Variants in CDH4 observed in about 807,000 individuals in gnomAD.
The protein encoded by CDH4 is cadherin-4.
In CDH4, 33 loss-of-function variants were observed where a neutral mutation model predicts 86.0. That is an observed-to-expected ratio of 0.38 (90% CI 0.29 to 0.51). The LOEUF is 0.51. Among genes scored for constraint, CDH4 ranks in the 20% least tolerant of loss-of-function variants. The pLI, the probability that CDH4 is intolerant of heterozygous loss-of-function variation, is 0.86. For synonymous variants in CDH4, 555 were observed against 549.4 expected (o/e 1.01, Z -0.14); for missense variants, 1,114 against 1,307.4 (o/e 0.85, Z 2.28).
intron 2 of CDH4, among the ~76,000 whole-genome samples, chr20:61,739,824 C>T (rs1568788525): frequency 6.6e-6 from 1 of 152,246 alleles, no homozygotes; most frequent in African/African-American, 2.4e-5. Context: ...CAAGCGCCCA[C>T]AGAAAGTTCT....
chr20:61,818,913 G>C (rs1261036933), intron 4 of CDH4, among the ~76,000 whole-genome samples: 2 of 152,080 alleles, frequency 1.3e-5, no homozygotes, highest in Non-Finnish European at 2.9e-5. Flanking sequence ...AGAGAGCAGG[G>C]GGCTCTCTCG....
At chr20:61,612,682 G>A (rs1038197542) in intron 2 of CDH4, among the ~76,000 whole-genome samples, 17 of 152,070 alleles carry the variant, frequency 1.1e-4, no homozygotes, top group African/African-American at 2.2e-4. Flanking sequence ...CCTTCATTCC[G>A]ATGTTACAGC....
intron 2 of CDH4, among the ~76,000 whole-genome samples, chr20:61,575,203 T>C (rs2086373406): frequency 6.6e-6 from 1 of 152,202 alleles, no homozygotes; most frequent in Non-Finnish European, 1.5e-5. Context: ...AGTTTCTCTC[T>C]ATTTCCACTA....
In CDH4 at chr20:61,392,943, G is replaced by C. The variant is rs556225399; in HGVS notation, c.169+138006G>C. On this transcript the variant is annotated intron_variant, in intron 2 of 15. Transcript: ENST00000614565. This position sits in a 1 kb window ranked among gnomAD's most constrained non-coding sequence, Gnocchi z 5.7. ...GGAAGGAGGTGCAGATACTCACCCC[G>C]ATACCCACCAAGGGCAGCCGAGCCT... Among the ~76,000 whole-genome samples the C allele has an allele frequency of 2.3e-4, 35 of 152,028 alleles. No individual in the cohort carries two copies. Among genetic ancestry groups the C allele is most frequent in the African/African-American group, 8.5e-4 (35 of 41,362 alleles).
At chr20:61,644,843 C>G (rs1304160644) in intron 2 of CDH4, among the ~76,000 whole-genome samples, 1 of 152,222 alleles carries the variant, frequency 6.6e-6, no homozygotes, top group Non-Finnish European at 1.5e-5. Context: ...CCCGGCCTGT[C>G]CAGCCTGCAG....
chr20:61,735,558 GCCACAGGGAC>G (rs1290846778), intron 2 of CDH4, among the ~76,000 whole-genome samples: 2 of 152,180 alleles, frequency 1.3e-5, no homozygotes, highest in Non-Finnish European at 2.9e-5. Flanking sequence ...AACCTGGGGG[GCCACAGGGAC>G]CCTGAGGTTC....
intron 2 of CDH4, among the ~76,000 whole-genome samples, chr20:61,342,105 T>G (rs77429865): frequency 0.027 from 4,183 of 152,232 alleles, 175 homozygotes; most frequent in African/African-American, 0.095. Context: ...GGGGAGGCTT[T>G]CGTCTCCTGG....
At chr20:61,919,205 A>G (rs2054940118) in intron 9 of CDH4, among the ~76,000 whole-genome samples, 1 of 152,136 alleles carries the variant, frequency 6.6e-6, no homozygotes, top group Non-Finnish European at 1.5e-5. Context: ...TTCTTTTTGT[A>G]CTGAAATATC....
At chr20:61,836,366 C>G (rs1375087022) in intron 4 of CDH4, among the ~76,000 whole-genome samples, 1 of 152,190 alleles carries the variant, frequency 6.6e-6, no homozygotes, top group Non-Finnish European at 1.5e-5. Context: ...ATTCACTATT[C>G]CCCACCGGGC....
At chr20:61,804,462 G>A (rs1394632067) in intron 4 of CDH4, among the ~76,000 whole-genome samples, 1 of 152,214 alleles carries the variant, frequency 6.6e-6, no homozygotes, top group African/African-American at 2.4e-5. Context: ...CAGTCACCTG[G>A]AGGTCAGCCA....
intron 14 of CDH4, 69 bp from the exon 15 acceptor site, chr20:61,933,987 G>C: frequency 1.3e-6 from 2 of 1,563,906 alleles, no homozygotes; most frequent in Admixed American, 3.5e-5. Flanking sequence ...GACAGAAAAG[G>C]ATGCAGGGTG....
chr20:61,892,286 T>G (rs1387063594), intron 7 of CDH4, among the ~76,000 whole-genome samples: 1 of 152,144 alleles, frequency 6.6e-6, no homozygotes, highest in Non-Finnish European at 1.5e-5. Context: ...AGAGCTTCTG[T>G]TGCCACCACA....
In CDH4 at chr20:61,326,764, T is replaced by C. The variant is rs549496615; in HGVS notation, c.169+71827T>C. Among the ~76,000 whole-genome samples the C allele has an allele frequency of 5.3e-5, 8 of 152,306 alleles. No homozygotes were observed. In the South Asian group the frequency reaches 1.7e-3, roughly 32 times the overall value. On this transcript the variant is annotated intron_variant, in intron 2 of 15. Coordinates refer to ENST00000614565, the MANE Select transcript of CDH4 (RefSeq NM_001794.5). ...ATCAATTGGTATCAAAAATGAGGTT[T>C]TTTTTTCATTTCCTTGGAGGAAAAA...
intron 2 of CDH4, among the ~76,000 whole-genome samples, chr20:61,474,712 A>T (rs182844334): frequency 0.021 from 3,224 of 150,080 alleles, 99 homozygotes; most frequent in African/African-American, 0.066. Flanking sequence ...TCTTTTTTTT[A>T]AAAAAAAAAT....
chr20:61,806,039 G>A (rs564315709), intron 4 of CDH4, among the ~76,000 whole-genome samples: 9 of 152,322 alleles, frequency 5.9e-5, no homozygotes, highest in South Asian at 2.1e-4. Flanking sequence ...GGCTCCTTCC[G>A]CTCTGTGGCA....
At chr20:61,887,952 A>G (rs1202345982) in intron 7 of CDH4, among the ~76,000 whole-genome samples, 1 of 152,230 alleles carries the variant, frequency 6.6e-6, no homozygotes, top group Non-Finnish European at 1.5e-5. Flanking sequence ...TGAGGGGGAC[A>G]TCACGCCCAG....
chr20:61,862,392 A>G (rs150466007), intron 6 of CDH4, among the ~76,000 whole-genome samples: 2 of 152,250 alleles, frequency 1.3e-5, no homozygotes, highest in Non-Finnish European at 2.9e-5. Context: ...CCCAAGGTGG[A>G]CTCATTCTGC....
chr20:61,332,579 C>G (rs1278336302), intron 2 of CDH4, among the ~76,000 whole-genome samples: 1 of 152,224 alleles, frequency 6.6e-6, no homozygotes, highest in African/African-American at 2.4e-5. Flanking sequence ...GCAGCAGGCA[C>G]TAGGGCCAGG....
At chr20:61,813,840 T>C (rs1424150551) in intron 4 of CDH4, among the ~76,000 whole-genome samples, 1 of 152,174 alleles carries the variant, frequency 6.6e-6, no homozygotes, top group African/African-American at 2.4e-5. Context: ...GTATAATAGA[T>C]TACCAACGGC....
Sources: allele counts gnomAD v4.1 joint callset (sites outside exome capture counted in the v4.1 genomes callset), GRCh38; gene constraint gnomAD v4.1.1; non-coding constraint Gnocchi (gnomAD v3.1); transcripts MANE v1.5; gene names NCBI Gene and HGNC (gene_info 2026-07-23, HGNC 2026-07-21).